UNC13C: variants seen among roughly 807,000 people sequenced by gnomAD.
UNC13C encodes the protein protein unc-13 homolog C.
A neutral mutation model predicts 245.4 loss-of-function variants in UNC13C; 174 were observed. The ratio of observed to expected loss-of-function variants is 0.71; its 90% CI spans 0.63 to 0.80. UNC13C has a LOEUF of 0.80. Among genes scored for constraint, UNC13C ranks in the 30% least tolerant of loss-of-function variants. The probability of loss-of-function intolerance (pLI) is 0.00; values close to 1 mark genes in which losing one functional copy is unlikely to be tolerated. For synonymous variants in UNC13C, 992 were observed against 895.1 expected, an observed-to-expected ratio of 1.11 and a Z score of -1.93; for missense variants, 2,829 against 2,602.9, an observed-to-expected ratio of 1.09 and a Z score of -1.89.
chr15:54,632,779 C>A (rs1170908021), downstream of UNC13C: 1 of 152,214 alleles, frequency 6.6e-6, no homozygotes, highest in Non-Finnish European at 1.5e-5. Flanking sequence ...ATTACTGTAG[C>A]TTTATACTGT....
intron 2 of UNC13C, among the ~76,000 whole-genome samples, chr15:54,063,060 G>A (rs971200804): frequency 1.3e-5 from 2 of 152,060 alleles, no homozygotes; most frequent in African/African-American, 4.8e-5. Context: ...GAAAACCTGT[G>A]GTATTTGGTT....
intron 23 of UNC13C, among the ~76,000 whole-genome samples, chr15:54,511,308 T>G (rs1372040285): frequency 6.6e-6 from 1 of 152,160 alleles, no homozygotes; most frequent in Non-Finnish European, 1.5e-5. Context: ...GGTCTTTACC[T>G]GCAGCCAGAA....
At chr15:54,045,922 A>G (rs1057448216) in intron 2 of UNC13C, among the ~76,000 whole-genome samples, 2 of 152,182 alleles carry the variant, frequency 1.3e-5, no homozygotes, top group Admixed American at 1.3e-4. Context: ...AGAAGATTTT[A>G]TCATCTCCTT....
intron 17 of UNC13C, among the ~76,000 whole-genome samples, chr15:54,387,881 G>T (rs1427692460): frequency 1.3e-5 from 2 of 152,026 alleles, no homozygotes; most frequent in Non-Finnish European, 2.9e-5. Context: ...CTTGGCATCA[G>T]CAAACCTTGT....
At chr15:54,633,210 T>G (rs1326366006), downstream of UNC13C, 2 of 152,196 alleles carry the variant, frequency 1.3e-5, no homozygotes, top group South Asian at 2.1e-4. Flanking sequence ...TGAGAACTTA[T>G]TAAATCCATA....
Position 54,325,149 on chromosome 15 carries a change from G to A in UNC13C, c.4425+3054G>A, listed in dbSNP as rs74589488. ...AAATATGATACAGTCATTAAAAATC[G>A]AGTTTTTATGGAAGAGGTTCAATAA... On this transcript the variant is annotated intron_variant, in intron 14 of 32. Transcript: ENST00000260323. Among the ~76,000 whole-genome samples, 664 of 151,930 alleles carry A rather than the reference G, an allele frequency of 4.4e-3. 29 individuals are homozygous for A. In the East Asian group the frequency reaches 0.09, roughly 21 times the overall value.
intron 22 of UNC13C, among the ~76,000 whole-genome samples, chr15:54,501,268 G>A (rs572475694): frequency 6.6e-6 from 1 of 152,228 alleles, no homozygotes; most frequent in South Asian, 2.1e-4. Context: ...CAAATGTGGT[G>A]TTTTCTAGCT....
intron 17 of UNC13C, among the ~76,000 whole-genome samples, chr15:54,374,311 C>T (rs1239603757): frequency 6.6e-6 from 1 of 152,182 alleles, no homozygotes; most frequent in Non-Finnish European, 1.5e-5. Flanking sequence ...CTGTCATCAG[C>T]CTGTCAGCCC....
At chr15:54,075,811 C>G (rs1244788380) in intron 2 of UNC13C, among the ~76,000 whole-genome samples, 2 of 143,870 alleles carry the variant, frequency 1.4e-5, no homozygotes, top group African/African-American at 4.9e-5. Context: ...GAAAACATTC[C>G]CTGTTTAACT....
At chr15:54,533,403 G>C (rs552820021) in intron 26 of UNC13C, among the ~76,000 whole-genome samples, 15 of 152,306 alleles carry the variant, frequency 9.8e-5, no homozygotes, top group African/African-American at 3.4e-4. Flanking sequence ...TGGACATAGA[G>C]AAAGACTGAG....
At chr15:53,842,333 A>G in the UNC13C span, among the ~76,000 whole-genome samples, 2 of 152,212 alleles carry the variant, frequency 1.3e-5, no homozygotes, top group African/African-American at 4.8e-5. Flanking sequence ...ATAAAGTATC[A>G]TTGTAGATAC....
At chr15:54,050,803 A>G in intron 2 of UNC13C, 2 of 595,150 alleles carry the variant, frequency 3.4e-6, no homozygotes, top group Admixed American at 3.8e-5. Context: ...ACAGCCCTTC[A>G]GCAGTAGTCC....
chr15:54,466,669 C>A (rs1160121293), intron 19 of UNC13C, among the ~76,000 whole-genome samples: 5 of 151,988 alleles, frequency 3.3e-5, no homozygotes, highest in Admixed American at 6.5e-5. Flanking sequence ...CAGACCCCAC[C>A]CACACACACA....
intron 26 of UNC13C, among the ~76,000 whole-genome samples, chr15:54,542,425 G>A (rs573718188): frequency 6.6e-6 from 1 of 152,086 alleles, no homozygotes; most frequent in Non-Finnish European, 1.5e-5. Flanking sequence ...CCAATTATGT[G>A]GTCAATTTTA....
intron 26 of UNC13C, among the ~76,000 whole-genome samples, chr15:54,545,876 T>C (rs796105445): frequency 5.9e-5 from 9 of 152,084 alleles, no homozygotes; most frequent in African/African-American, 1.9e-4. Flanking sequence ...TTGGTGGGAG[T>C]GTAAATTAGT....
At chr15:54,174,558 G>T (rs1161568416) in intron 4 of UNC13C, among the ~76,000 whole-genome samples, 2 of 152,250 alleles carry the variant, frequency 1.3e-5, no homozygotes, top group African/African-American at 4.8e-5. Flanking sequence ...GTAGCATCAA[G>T]AAATTAAAAA....
intron 2 of UNC13C, among the ~76,000 whole-genome samples, chr15:54,060,359 A>C (rs1265181564): frequency 6.6e-6 from 1 of 152,206 alleles, no homozygotes; most frequent in African/African-American, 2.4e-5. Flanking sequence ...CAACAGACAC[A>C]TGAAAAAATG....
intron 18 of UNC13C, among the ~76,000 whole-genome samples, chr15:54,396,250 C>T (rs569404077): frequency 6.6e-6 from 1 of 151,780 alleles, no homozygotes; most frequent in Admixed American, 6.6e-5. Flanking sequence ...TTTTGTAATT[C>T]ATCCACTCCT....
chr15:54,206,945 T>C (rs562798225), intron 4 of UNC13C, among the ~76,000 whole-genome samples: 2 of 152,188 alleles, frequency 1.3e-5, no homozygotes, highest in South Asian at 2.1e-4. Flanking sequence ...TGTGCTGAGG[T>C]TGTTAAAATA....
Sources: allele counts gnomAD v4.1 joint callset (sites outside exome capture counted in the v4.1 genomes callset), GRCh38; gene constraint gnomAD v4.1.1; transcripts MANE v1.5; gene names NCBI Gene and HGNC (gene_info 2026-07-23, HGNC 2026-07-21).